The following PTRHD1 variants were observed in gnomAD, a reference collection of about 807,000 sequenced individuals.
PTRHD1 encodes the protein putative peptidyl-tRNA hydrolase PTRHD1.
A neutral mutation model predicts 13.6 loss-of-function variants in PTRHD1; 12 were observed. That is an observed-to-expected ratio of 0.88 (90% CI 0.57 to 1.43). PTRHD1 has a LOEUF of 1.43. Ranked by LOEUF, PTRHD1 falls within the 40% of genes most tolerant of loss-of-function variation. The pLI is 0.00. For synonymous variants in PTRHD1, 86 were observed against 79.5 expected (o/e 1.08, Z -0.43); for missense variants, 203 against 184.7 (o/e 1.10, Z -0.57).
In PTRHD1 at chr2:24,790,343, G is replaced by A; in HGVS notation, c.*68C>T. On this transcript the variant is annotated 3_prime_UTR_variant, in exon 2 of 2. Coordinates refer to ENST00000328379, the MANE Select transcript of PTRHD1 (RefSeq NM_001013663.2). ...CACAACTGAAAGACGGGAGCAAGCT[G>A]ACACTGCAAGGAACACATGATGCTT... The A allele has an allele frequency of 6.5e-7, 1 of 1,532,970 alleles. No homozygotes were observed. Among genetic ancestry groups the A allele is most frequent in the East Asian group, 2.3e-5 (1 of 44,120 alleles). 95.0% of individuals were successfully genotyped at this position (1,532,970 alleles called of 1,614,324 possible). A position where few individuals can be genotyped will look rare whatever the true frequency, so the allele number is the denominator to read the frequency against.
chr2:24,790,647 A>C (rs1665600054), intron 1 of PTRHD1, 66 bp from the exon 2 acceptor site: 2 of 1,467,252 alleles, frequency 1.4e-6, no homozygotes, highest in Non-Finnish European at 1.8e-6. Context: ...AGGCCAAAAA[A>C]GGTTTCGGGA....
chr2:24,793,048 C>CCAGGCCTTCGGACCGAAGA, intron 1 of PTRHD1, 78 bp downstream of exon 1: 1 of 1,496,684 alleles, frequency 6.7e-7, no homozygotes, highest in Non-Finnish European at 9.0e-7. Context: ...CTCCCCGCAG[C>CCAGGCCTTCGGACCGAAGA]CAGGCCTTCG....
In PTRHD1 at chr2:24,790,527, T is replaced by C; in HGVS notation, c.307A>G (p.Ile103Val). ...TGCTCAAGCCACAGCATGTGGTCAATGTTCTTCTGTTGCAGGGTCTCGGCC... is the reference window on the plus strand; with the variant it reads ...TGCTCAAGCCACAGCATGTGGTCAACGTTCTTCTGTTGCAGGGTCTCGGCC... ...ELAETLQQKN[I>V]DHMLWLEQPE... Residue 103 changes from isoleucine to valine, a missense_variant, in exon 2 of 2, where the codon ATT (isoleucine) becomes GTT (valine). Physicochemically the swap from Ile to Val is conservative, Grantham distance 29. Transcript: ENST00000328379. 1.2e-6 allele frequency: 2 copies of C among 1,614,228 alleles called. No homozygotes were observed. The highest frequency in any genetic ancestry group is 1.7e-6 in the Non-Finnish European group (2 of 1,180,046).
intron 1 of PTRHD1, chr2:24,792,413 C>T (rs1572713811): frequency 6.6e-6 from 1 of 152,174 alleles, no homozygotes; most frequent in South Asian, 2.1e-4. Context: ...AGATGTATTT[C>T]TTTAGTTTTT....
rs555151619 is a variant in PTRHD1, at chr2:24,793,208, G to C, written c.170C>G (p.Ala57Gly). The C allele has an allele frequency of 1.2e-6, 2 of 1,612,932 alleles. No individual in the cohort carries two copies. Among genetic ancestry groups the C allele is most frequent in the East Asian group, 4.5e-5 (2 of 44,878 alleles). The change falls in exon 1 of 2, where the codon GCG becomes GGG. Residue 57 changes from alanine (A) to glycine (G), a missense_variant. Coordinates refer to ENST00000328379, the MANE Select transcript of PTRHD1 (RefSeq NM_001013663.2). Reference sequence around the variant, plus strand: ...GTGGTCGCGGTGAGTGTGCAAGGCCGCGGTGGCCGCGTGACAAGCCTGCGC... The same window carrying C: ...GTGGTCGCGGTGAGTGTGCAAGGCCCCGGTGGCCGCGTGACAAGCCTGCGC... ...LVAQACHAAT[A>G]ALHTHRDHPH... is the part of the protein sequence containing the mutation.
At chr2:24,793,051 G>A in intron 1 of PTRHD1, 75 bp downstream of exon 1, 3 of 1,511,984 alleles carry the variant, frequency 2.0e-6, no homozygotes, top group Non-Finnish European at 2.7e-6. Context: ...CCCGCAGCCA[G>A]GCCTTCGGAC....
chr2:24,791,434 G>T (rs537323565), intron 1 of PTRHD1: 7 of 152,272 alleles, frequency 4.6e-5, no homozygotes, highest in Admixed American at 2.0e-4. Context: ...CCCATTCCAG[G>T]AAGTATTAAA....
rs774621892 is a variant in PTRHD1, at chr2:24,790,145, T to C, written c.*266A>G. ...AAGCAAAGTTTCAAACCCGAGTGAC[T>C]GGAAGGGAGTTTCCTTGAGCCCCAC... On this transcript the variant is annotated 3_prime_UTR_variant, in exon 2 of 2. Coordinates refer to ENST00000328379, the MANE Select transcript of PTRHD1 (RefSeq NM_001013663.2). 2.7e-4 allele frequency: 91 copies of C among 340,628 alleles called. 1 individual carries two copies. The highest frequency in any genetic ancestry group is 3.9e-4 in the Non-Finnish European group (73 of 188,698). 21.1% of individuals were successfully genotyped at this position (340,628 alleles called of 1,614,324 possible).
rs759189515 is a variant in PTRHD1 at position 24,790,442 on chromosome 2, T to C, written c.392A>G (p.Gln131Arg). 4.5e-5 allele frequency: 72 copies of C among 1,614,028 alleles called. No individual in the cohort carries two copies. The highest frequency in any genetic ancestry group is 6.0e-5 in the Non-Finnish European group (71 of 1,180,028). ...LRPYPKEEVG[Q>R]YLKKFRLFK ...GAACAATCGGAACTTCTTCAAATAC[T>C]GGCCCACTTCTTCCTTGGGGTAGGG... Residue 131 changes from glutamine (Q) to arginine (R), a missense_variant, in exon 2 of 2, where the codon CAG (glutamine) becomes CGG (arginine). Coordinates refer to ENST00000328379, the MANE Select transcript of PTRHD1 (RefSeq NM_001013663.2).
At chr2:24,793,001 T>C in intron 1 of PTRHD1, 125 bp downstream of exon 1, 1 of 1,182,964 alleles carries the variant, frequency 8.5e-7, no homozygotes, top group Non-Finnish European at 1.2e-6. Context: ...AGCTCCAGTC[T>C]AAATGTTAAC....
chr2:24,793,150 C>T lies in PTRHD1; in HGVS notation c.228G>A (p.Gly76=), dbSNP rs200167409. The T allele has an allele frequency of 3.4e-5, 55 of 1,613,286 alleles. No homozygotes were observed. The East Asian group carries it at 1.2e-3, about 35-fold the overall frequency. ...PHTAAYLQEL[G]RMRKVVLEAP... is the part of the protein sequence containing the mutation. ...CCTCGAGGACCACTTTGCGCATGCG[C>T]CCCAGCTCTTGGAGGTAAGCGGCTG... Residue 76 remains glycine (G), a synonymous_variant, in exon 1 of 2, where the codon GGG becomes GGA. Coordinates refer to ENST00000328379, the MANE Select transcript of PTRHD1 (RefSeq NM_001013663.2).
chr2:24,793,101 C>T, intron 1 of PTRHD1, 25 bp downstream of exon 1: 1 of 1,603,558 alleles, frequency 6.2e-7, no homozygotes, highest in Non-Finnish European at 8.5e-7. Context: ...GTCTCAGCAC[C>T]TCCCCCTCCG....
In PTRHD1 at chr2:24,790,144, C is replaced by G; in HGVS notation, c.*267G>C. On this transcript the variant is annotated 3_prime_UTR_variant, in exon 2 of 2. Transcript: ENST00000328379. Reference sequence around the variant, plus strand: ...AAAGCAAAGTTTCAAACCCGAGTGACTGGAAGGGAGTTTCCTTGAGCCCCA... The same window carrying G: ...AAAGCAAAGTTTCAAACCCGAGTGAGTGGAAGGGAGTTTCCTTGAGCCCCA... 2 of 336,312 alleles carry G rather than the reference C, an allele frequency of 5.9e-6. No individual in the cohort carries two copies. The highest frequency in any genetic ancestry group is 1.1e-5 in the Non-Finnish European group (2 of 185,942). The allele number at this position is 336,312 out of a possible 1,614,324, so 20.8% of individuals were successfully genotyped here. A position where few individuals can be genotyped will look rare whatever the true frequency, so the allele number is the denominator to read the frequency against.
chr2:24,792,970 A>G (rs747257562), intron 1 of PTRHD1, 156 bp downstream of exon 1: 73 of 894,546 alleles, frequency 8.2e-5, no homozygotes, highest in Admixed American at 1.3e-4. Context: ...GCCCTTCCCA[A>G]GGGCGCACCT....
intron 1 of PTRHD1, 120 bp from the exon 2 acceptor site, chr2:24,790,701 A>G (rs1163182500): frequency 3.6e-5 from 30 of 823,718 alleles, no homozygotes; most frequent in Non-Finnish European, 4.9e-5. Flanking sequence ...CCAAGGAGGG[A>G]GCTGCAGAGC....
At chr2:24,792,639 C>T (rs895069066) in intron 1 of PTRHD1, 2 of 160,030 alleles carry the variant, frequency 1.2e-5, no homozygotes, top group African/African-American at 4.8e-5. Context: ...TGGTCATCTG[C>T]AAACAGAACC....
At chr2:24,792,992 G>T in intron 1 of PTRHD1, 134 bp downstream of exon 1, 1 of 1,086,320 alleles carries the variant, frequency 9.2e-7, no homozygotes, top group Non-Finnish European at 1.3e-6. Flanking sequence ...CAGGGAAACA[G>T]CTCCAGTCTA....
At position 24,790,377 on chromosome 2, in the gene PTRHD1, G is replaced by A; in HGVS notation, c.*34C>T. 6.3e-7 allele frequency: 1 copy of A among 1,596,694 alleles called. No homozygotes were observed. On this transcript the variant is annotated 3_prime_UTR_variant, in exon 2 of 2. Coordinates refer to ENST00000328379, the MANE Select transcript of PTRHD1 (RefSeq NM_001013663.2). ...AGGAACACATGATGCTTTGGAATGG[G>A]TGGCCTGCGTATTCAAACACATCAA...
Position 24,793,188 on chromosome 2 carries a change from C to A in PTRHD1, c.190G>T (p.Asp64Tyr). ...AGGTAAGCGGCTGTGTGCGGGTGGT[C>A]GCGGTGAGTGTGCAAGGCCGCGGTG... ...AATAALHTHR[D>Y]HPHTAAYLQE... The change falls in exon 1 of 2, where the codon GAC becomes TAC. Residue 64 changes from aspartate to tyrosine, a missense_variant. Transcript: ENST00000328379. The A allele has an allele frequency of 6.2e-7, 1 of 1,612,872 alleles. No individual in the cohort carries two copies. Among genetic ancestry groups the A allele is most frequent in the African/African-American group, 1.3e-5 (1 of 74,790 alleles).
Sources: allele counts gnomAD v4.1 joint callset, GRCh38; gene constraint gnomAD v4.1.1; transcripts MANE v1.5; gene names NCBI Gene and HGNC (gene_info 2026-07-23, HGNC 2026-07-21).